Variants in DKK3 observed in about 807,000 individuals in gnomAD.
The protein encoded by DKK3 is dickkopf-related protein 3.
A neutral mutation model predicts 33.2 loss-of-function variants in DKK3; 22 were observed. The observed-to-expected ratio is 0.66, with a 90% confidence interval of 0.47 to 0.95. The LOEUF is 0.95. DKK3 is among the 40% of genes least tolerant of loss of function. The pLI is 0.00. For synonymous variants in DKK3, 194 were observed against 188.8 expected (o/e 1.03, Z -0.23); for missense variants, 398 against 458.4 (o/e 0.87, Z 1.20).
chr11:11,994,832 T>A (rs947511937), intron 3 of DKK3: 1 of 152,134 alleles, frequency 6.6e-6, no homozygotes, highest in Non-Finnish European at 1.5e-5. Flanking sequence ...TGCTCACTGC[T>A]CCATGGGAAA....
chr11:11,982,727 C>T (rs532307347), intron 3 of DKK3, among the ~76,000 whole-genome samples: 9 of 152,304 alleles, frequency 5.9e-5, no homozygotes, highest in East Asian at 1.9e-4. Context: ...GACGATGTCC[C>T]GCCACAACCA....
intron 3 of DKK3, among the ~76,000 whole-genome samples, chr11:11,987,999 T>C (rs1304933218): frequency 1.3e-5 from 2 of 152,214 alleles, no homozygotes; most frequent in African/African-American, 4.8e-5. Flanking sequence ...AGACATGGCC[T>C]CCTACTTGTA....
intron 5 of DKK3, 39 bp downstream of exon 5, chr11:11,966,915 G>C: frequency 6.2e-7 from 1 of 1,607,116 alleles, no homozygotes; most frequent in Non-Finnish European, 8.5e-7. Flanking sequence ...GTGGAGCTTG[G>C]GACAGGGTTT....
Position 11,964,404 on chromosome 11 carries a change from A to T in DKK3, c.*60T>A. On this transcript the variant is annotated 3_prime_UTR_variant, in exon 7 of 7. Transcript: ENST00000683431. ...CCTGGTCAGCCCACGCCTAAAGCAC[A>T]CACCTGGGGAAATAAATTAGCTATT... 1 of 1,577,290 alleles carries T rather than the reference A, an allele frequency of 6.3e-7. No homozygotes were observed. Among genetic ancestry groups the T allele is most frequent in the Non-Finnish European group, 8.6e-7 (1 of 1,166,316 alleles).
intron 3 of DKK3, among the ~76,000 whole-genome samples, chr11:11,992,750 TC>T (rs1848212883): frequency 1.3e-5 from 2 of 152,320 alleles, no homozygotes; most frequent in South Asian, 4.1e-4. Flanking sequence ...ATTTCTTTGA[TC>T]TAATAATCAA....
intron 3 of DKK3, among the ~76,000 whole-genome samples, chr11:11,971,754 T>G (rs1847729942): frequency 6.6e-6 from 1 of 152,214 alleles, no homozygotes; most frequent in South Asian, 2.1e-4. Context: ...TCCTTAGGAA[T>G]ATCTTCCTTT....
At chr11:11,981,817 C>CCTTGG (rs1484695345) in intron 3 of DKK3, among the ~76,000 whole-genome samples, 1 of 152,220 alleles carries the variant, frequency 6.6e-6, no homozygotes, top group Non-Finnish European at 1.5e-5. Context: ...CCCTGCCTGG[C>CCTTGG]CTTGGCTAGG....
At chr11:12,002,205 T>C in intron 2 of DKK3, 95 bp downstream of exon 2, 1 of 1,337,594 alleles carries the variant, frequency 7.5e-7, no homozygotes, top group Non-Finnish European at 1.0e-6. Flanking sequence ...AGTTTGGGCT[T>C]GTATATCACA....
intron 3 of DKK3, among the ~76,000 whole-genome samples, chr11:11,986,803 T>C (rs1269260537): frequency 6.6e-6 from 1 of 152,220 alleles, no homozygotes; most frequent in East Asian, 1.9e-4. Flanking sequence ...ATCTATAAAA[T>C]AATATTATAT....
chr11:11,990,062 G>A (rs1237967332), intron 3 of DKK3, among the ~76,000 whole-genome samples: 4 of 152,264 alleles, frequency 2.6e-5, no homozygotes, highest in South Asian at 2.1e-4. Context: ...TGAGTTTTTT[G>A]GAATGATGCC....
intron 3 of DKK3, among the ~76,000 whole-genome samples, chr11:11,982,371 G>T (rs891856640): frequency 1.3e-5 from 2 of 152,234 alleles, no homozygotes; most frequent in Admixed American, 6.5e-5. Context: ...TGTCCCACCA[G>T]CTTCCCCGTG....
At chr11:11,993,454 T>G (rs1161867566) in intron 3 of DKK3, among the ~76,000 whole-genome samples, 1 of 152,152 alleles carries the variant, frequency 6.6e-6, no homozygotes, top group African/African-American at 2.4e-5. Flanking sequence ...GTATTTTGAT[T>G]TTAGATGTGG....
At chr11:11,996,694 A>G (rs892912180) in intron 3 of DKK3, among the ~76,000 whole-genome samples, 3 of 152,218 alleles carry the variant, frequency 2.0e-5, no homozygotes, top group African/African-American at 4.8e-5. Flanking sequence ...GCAGGCATCA[A>G]GACAACCTTG....
At chr11:11,989,045 C>T (rs990526237) in intron 3 of DKK3, among the ~76,000 whole-genome samples, 1 of 152,174 alleles carries the variant, frequency 6.6e-6, no homozygotes, top group African/African-American at 2.4e-5. Flanking sequence ...CTAGTGCCTA[C>T]AGTCATGAAG....
At chr11:11,999,589 C>T in intron 2 of DKK3, among the ~76,000 whole-genome samples, 1 of 152,164 alleles carries the variant, frequency 6.6e-6, no homozygotes, top group East Asian at 1.9e-4. Flanking sequence ...CGTGCCACTG[C>T]ACTACTCCAG....
intron 3 of DKK3, chr11:11,979,671 CCCA>C (rs938523642): frequency 6.6e-6 from 1 of 152,338 alleles, no homozygotes; most frequent in Admixed American, 6.5e-5. Flanking sequence ...CACAGATGCT[CCCA>C]CCAAGTCATA....
chr11:11,990,721 A>G (rs1226806347), intron 3 of DKK3, among the ~76,000 whole-genome samples: 1 of 152,196 alleles, frequency 6.6e-6, no homozygotes, highest in Non-Finnish European at 1.5e-5. Context: ...CTGGCATTCT[A>G]AATTGTTTAG....
At chr11:11,991,887 T>C (rs779313283) in intron 3 of DKK3, among the ~76,000 whole-genome samples, 26 of 152,222 alleles carry the variant, frequency 1.7e-4, no homozygotes, top group Non-Finnish European at 2.9e-4. Flanking sequence ...AAGTCTTCCA[T>C]GGCTACCTGG....
At position 11,980,393 on chromosome 11, in the gene DKK3, A is replaced by G. The variant is rs1847930544; in HGVS notation, c.436-11906T>C. On this transcript the variant is annotated intron_variant, in intron 3 of 6. Coordinates refer to ENST00000683431, the MANE Select transcript of DKK3 (RefSeq NM_001018057.2). The stretch of plus-strand genomic sequence containing the variant: ...GGTCATGAGTTCCTGTAAGACTGTC[A>G]CCCTGAGCACATTCTACCTCACAAC... Among the ~76,000 whole-genome samples, 3 of 152,266 alleles carry G rather than the reference A, an allele frequency of 2.0e-5. No homozygotes were observed. In the South Asian group the frequency reaches 6.2e-4, roughly 32 times the overall value.
Sources: gnomAD v4.1 joint callset for allele counts (sites outside exome capture counted in the v4.1 genomes callset) on GRCh38, gnomAD v4.1.1 for gene constraint, MANE v1.5 for transcripts, NCBI Gene and HGNC (gene_info 2026-07-23, HGNC 2026-07-21) for gene names.